Variants in AQR observed in about 807,000 individuals in gnomAD.
The protein encoded by AQR is aquarius intron-binding spliceosomal factor, also known as RNA helicase aquarius.
AQR carries 61 observed loss-of-function variants against 180.5 expected under a neutral mutation model. That is an observed-to-expected ratio of 0.34 (90% CI 0.28 to 0.42). The LOEUF is 0.42. Among genes scored for constraint, AQR ranks in the 10% least tolerant of loss-of-function variants. AQR has a pLI of 1.00. For missense variants in AQR, 1,281 were observed against 1,798.3 expected (o/e 0.71, Z 5.20); for synonymous variants, 551 against 588.8 (o/e 0.94, Z 0.93).
At chr15:34,897,483 T>C (rs1202705224) in intron 21 of AQR, 76 bp downstream of exon 21, 2 of 1,536,192 alleles carry the variant, frequency 1.3e-6, no homozygotes, top group Non-Finnish European at 1.8e-6. Flanking sequence ...AAACAGAAAA[T>C]TTAAAAACAT....
At chr15:34,863,859 G>A (rs748990314) in intron 32 of AQR, among the ~76,000 whole-genome samples, 15 of 152,272 alleles carry the variant, frequency 9.9e-5, no homozygotes, top group South Asian at 2.1e-4. Flanking sequence ...GTTTTAGTGA[G>A]AAAAAATAAT....
chr15:34,948,637 TAAAAATAC>T (rs1894165711), intron 4 of AQR, among the ~76,000 whole-genome samples: 1 of 151,706 alleles, frequency 6.6e-6, no homozygotes, highest in South Asian at 2.1e-4. Flanking sequence ...CCATCTCTAC[TAAAAATAC>T]AAAAATTAGC....
chr15:34,863,255 G>C, intron 32 of AQR: 1 of 456,528 alleles, frequency 2.2e-6, no homozygotes, highest in Non-Finnish European at 3.9e-6. Context: ...TTGGTTTTTT[G>C]AAGGGGAGGA....
chr15:34,950,710 C>A (rs1297755343), intron 4 of AQR, among the ~76,000 whole-genome samples: 1 of 151,914 alleles, frequency 6.6e-6, no homozygotes, highest in East Asian at 1.9e-4. Flanking sequence ...AATATTTGTT[C>A]TCTGCTGTTC....
intron 2 of AQR, among the ~76,000 whole-genome samples, chr15:34,963,122 T>C (rs1390421668): frequency 6.6e-6 from 1 of 152,144 alleles, no homozygotes; most frequent in Admixed American, 6.6e-5. Context: ...TGATACTACA[T>C]GTGTGAGCCA....
chr15:34,968,563 G>A (rs2050325619), intron 1 of AQR, among the ~76,000 whole-genome samples: 1 of 152,120 alleles, frequency 6.6e-6, no homozygotes. Context: ...CGGCCGGAAG[G>A]CAGAAATTTT....
At chr15:34,883,117 G>A (rs1893001367) in intron 26 of AQR, among the ~76,000 whole-genome samples, 1 of 152,140 alleles carries the variant, frequency 6.6e-6, no homozygotes. Flanking sequence ...CCCAGGGACT[G>A]TAGTCACACA....
At chr15:34,927,978 A>G (rs867709542) in intron 12 of AQR, among the ~76,000 whole-genome samples, 11 of 152,258 alleles carry the variant, frequency 7.2e-5, no homozygotes, top group Non-Finnish European at 8.8e-5. Flanking sequence ...CAGGGCAAAT[A>G]GCCAAGTTCC....
chr15:34,890,961 A>G (rs1254873925), intron 23 of AQR, among the ~76,000 whole-genome samples: 1 of 152,188 alleles, frequency 6.6e-6, no homozygotes, highest in African/African-American at 2.4e-5. Flanking sequence ...GGTTTTACAG[A>G]AAGGCAAAAG....
intron 13 of AQR, among the ~76,000 whole-genome samples, chr15:34,921,018 T>C (rs1229325078): frequency 1.3e-5 from 2 of 152,132 alleles, no homozygotes; most frequent in African/African-American, 4.8e-5. Flanking sequence ...TATTTAAGAA[T>C]GTCCTTGATG....
In AQR at chr15:34,896,980, TA is replaced by T; in HGVS notation, c.2391-15del. On this transcript the variant is annotated splice_polypyrimidine_tract_variant and intron_variant, in intron 21 of 34. Transcript: ENST00000156471. Reference sequence around the variant, plus strand: ...TGAATCGTATTACTGCAAATAAGAGTAAATAAAAAGTTGGTACAGATAAATG... The same window carrying T: ...TGAATCGTATTACTGCAAATAAGAGTAATAAAAAGTTGGTACAGATAAATG... 1 of 1,601,676 alleles carries T rather than the reference TA, an allele frequency of 6.2e-7. No individual in the cohort carries two copies.
chr15:34,874,881 A>C lies in AQR; in HGVS notation c.3238-17T>G, dbSNP rs748601329. On this transcript the variant is annotated splice_polypyrimidine_tract_variant and intron_variant, in intron 28 of 34. Transcript: ENST00000156471. ...CTGAGGATTCTAGAAATGAAAAGTA[A>C]GGAAATGGCAAAATACTCTATTATC... 1 of 1,608,662 alleles carries C rather than the reference A, an allele frequency of 6.2e-7. No individual in the cohort carries two copies. The highest frequency in any genetic ancestry group is 8.5e-7 in the Non-Finnish European group (1 of 1,176,814).
intron 3 of AQR, among the ~76,000 whole-genome samples, chr15:34,958,432 CTT>C (rs1241895827): frequency 6.6e-6 from 1 of 152,128 alleles, no homozygotes; most frequent in Non-Finnish European, 1.5e-5. Flanking sequence ...TGGGGGATCA[CTT>C]GAGCCCAGGA....
chr15:34,965,058 A>T (rs2050303281), intron 1 of AQR, among the ~76,000 whole-genome samples: 1 of 152,208 alleles, frequency 6.6e-6, no homozygotes, highest in African/African-American at 2.4e-5. Context: ...GGATGAATGG[A>T]TGGACAAATG....
intron 19 of AQR, among the ~76,000 whole-genome samples, chr15:34,903,320 G>A (rs1192845541): frequency 1.3e-5 from 2 of 152,080 alleles, no homozygotes; most frequent in African/African-American, 2.4e-5. Context: ...AATGTGATGG[G>A]AAACCATTAA....
rs1009858979 is a variant in AQR at position 34,855,481 on chromosome 15, A to T, written c.*1311T>A. The T allele has an allele frequency of 6.6e-6, 1 of 151,966 alleles. No homozygotes were observed. Among genetic ancestry groups the T allele is most frequent in the African/African-American group, 2.4e-5 (1 of 41,322 alleles). 9.4% of individuals were successfully genotyped at this position (151,966 alleles called of 1,614,324 possible). ...CTAGCAGATGATCAAAATGGGAAATAGAGAACTAGTGGGCAATTTTCCCCT... is the reference window on the plus strand; with the variant it reads ...CTAGCAGATGATCAAAATGGGAAATTGAGAACTAGTGGGCAATTTTCCCCT... On this transcript the variant is annotated 3_prime_UTR_variant, in exon 35 of 35. Transcript: ENST00000156471.
At chr15:34,909,732 G>A (rs570616653) in intron 17 of AQR, among the ~76,000 whole-genome samples, 18 of 152,084 alleles carry the variant, frequency 1.2e-4, no homozygotes, top group Non-Finnish European at 1.8e-4. Context: ...TGCTCTGCAT[G>A]TTTGTATGTT....
chr15:34,940,289 A>G (rs1216443437), intron 8 of AQR, among the ~76,000 whole-genome samples: 1 of 152,138 alleles, frequency 6.6e-6, no homozygotes, highest in African/African-American at 2.4e-5. Context: ...CCAGCACTTT[A>G]GGAGGCCGAG....
chr15:34,925,956 C>A (rs1487151291), intron 13 of AQR, among the ~76,000 whole-genome samples: 3 of 152,050 alleles, frequency 2.0e-5, no homozygotes, highest in African/African-American at 7.2e-5. Flanking sequence ...ATCACGAGGT[C>A]AGAGATCGAG....
Sources: gnomAD v4.1 joint callset for allele counts (sites outside exome capture counted in the v4.1 genomes callset) on GRCh38, gnomAD v4.1.1 for gene constraint, MANE v1.5 for transcripts, NCBI Gene and HGNC (gene_info 2026-07-23, HGNC 2026-07-21) for gene names.